AAMDC: variants seen among roughly 807,000 people sequenced by gnomAD.
AAMDC encodes adipogenesis associated Mth938 domain containing, also known as mth938 domain-containing protein.
Under a neutral mutation model 15.5 loss-of-function variants are expected in AAMDC, and 16 were observed. The ratio of observed to expected loss-of-function variants is 1.03; its 90% CI spans 0.70 to 1.57. The LOEUF (loss-of-function observed/expected upper bound fraction) is 1.57. Among genes scored for constraint, AAMDC ranks in the 40% most tolerant of loss-of-function variants. The probability of loss-of-function intolerance (pLI) is 0.00; values close to 1 mark genes in which losing one functional copy is unlikely to be tolerated. For synonymous variants in AAMDC, 51 were observed against 51.6 expected (o/e 0.99, Z 0.05); for missense variants, 141 against 144.9 (o/e 0.97, Z 0.14).
At chr11:77,838,263 G>A (rs954017185) in intron 1 of AAMDC, among the ~76,000 whole-genome samples, 17 of 152,098 alleles carry the variant, frequency 1.1e-4, no homozygotes, top group African/African-American at 4.1e-4. Flanking sequence ...GTTATAGTAC[G>A]GTTATTTAAT....
At chr11:77,849,291 G>A (rs2136179544) in intron 2 of AAMDC, among the ~76,000 whole-genome samples, 1 of 151,812 alleles carries the variant, frequency 6.6e-6, no homozygotes, top group South Asian at 2.1e-4. Context: ...GCGTGACCTT[G>A]GCTCACTGCA....
At chr11:77,879,218 C>A in intron 5 of AAMDC, 1 of 1,396,008 alleles carries the variant, frequency 7.2e-7, no homozygotes, top group Non-Finnish European at 9.8e-7. Context: ...AAAATGGAAG[C>A]AGTAGGGAGA....
rs549707779 is a variant in AAMDC at position 77,883,768 on chromosome 11, G to A, written c.328+6719G>A. The A allele has an allele frequency of 7.9e-5, 122 of 1,548,744 alleles. 1 individual carries two copies. Among genetic ancestry groups the A allele is most frequent in the South Asian group, 2.4e-4 (21 of 85,886 alleles). On this transcript the variant is annotated intron_variant, in intron 5 of 5. Coordinates refer to the AAMDC transcript ENST00000304716. ...TTTTTTCAAACTTTAAAAACCAAAC[G>A]CTTAAGGGTAGGTGTGATCTCCAGC...
intron 2 of AAMDC, among the ~76,000 whole-genome samples, chr11:77,868,380 T>C (rs1437284121): frequency 2.8e-5 from 3 of 105,382 alleles, no homozygotes; most frequent in Non-Finnish European, 5.6e-5. Context: ...TTTTTTGAGA[T>C]GAAGTCTTGG....
chr11:77,905,169 G>A (rs1403186006), downstream of AAMDC, among the ~76,000 whole-genome samples: 2 of 152,116 alleles, frequency 1.3e-5, no homozygotes, highest in African/African-American at 2.4e-5. Flanking sequence ...TACTTAAGAC[G>A]AAATGGGCTG....
At chr11:77,837,292 C>A (rs1031294614) in intron 1 of AAMDC, among the ~76,000 whole-genome samples, 2 of 152,024 alleles carry the variant, frequency 1.3e-5, no homozygotes, top group Admixed American at 6.6e-5. Context: ...CCCGCCACCA[C>A]ACCCAGCTAA....
chr11:77,873,393 A>T (rs1951510165), downstream of AAMDC, among the ~76,000 whole-genome samples: 2 of 152,250 alleles, frequency 1.3e-5, no homozygotes, highest in South Asian at 4.1e-4. Context: ...GATACTGTGT[A>T]AAGCCAACTA....
chr11:77,850,709 T>C (rs1462070423), intron 2 of AAMDC: 1 of 152,082 alleles, frequency 6.6e-6, no homozygotes, highest in Non-Finnish European at 1.5e-5. Context: ...ATCCTTTACC[T>C]AAATCCTCAA....
chr11:77,838,721 A>G (rs1949802015), intron 1 of AAMDC, among the ~76,000 whole-genome samples: 1 of 146,614 alleles, frequency 6.8e-6, no homozygotes, highest in Non-Finnish European at 1.5e-5. Flanking sequence ...GGTTCACGCC[A>G]TTCTCCTGCC....
At chr11:77,851,718 A>G (rs1349823607) in intron 2 of AAMDC, among the ~76,000 whole-genome samples, 2 of 151,504 alleles carry the variant, frequency 1.3e-5, no homozygotes, top group Non-Finnish European at 2.9e-5. Flanking sequence ...TGACATGCCT[A>G]CTCCCACTTC....
intron 5 of AAMDC, among the ~76,000 whole-genome samples, chr11:77,897,805 ATAT>A (rs929553141): frequency 6.6e-6 from 1 of 151,498 alleles, no homozygotes; most frequent in Non-Finnish European, 1.5e-5. Flanking sequence ...GCACCCAGCC[ATAT>A]TATTGTTATT....
At chr11:77,864,323 A>G (rs1422801452) in intron 2 of AAMDC, among the ~76,000 whole-genome samples, 1 of 151,744 alleles carries the variant, frequency 6.6e-6, no homozygotes, top group East Asian at 2.0e-4. Context: ...ACATGCCTGT[A>G]ATCCCAGCTA....
intron 1 of AAMDC, among the ~76,000 whole-genome samples, chr11:77,837,449 T>A (rs1287952947): frequency 6.7e-6 from 1 of 149,784 alleles, no homozygotes; most frequent in Non-Finnish European, 1.5e-5. Flanking sequence ...TGGTTTTTGT[T>A]TGTTTGTTTG....
intron 2 of AAMDC, among the ~76,000 whole-genome samples, chr11:77,858,493 T>G (rs2136234457): frequency 6.6e-6 from 1 of 152,146 alleles, no homozygotes; most frequent in South Asian, 2.1e-4. Flanking sequence ...TAACGAGCTC[T>G]CTTTGCTACC....
chr11:77,865,788 C>T (rs1951082480), intron 2 of AAMDC, among the ~76,000 whole-genome samples: 1 of 152,116 alleles, frequency 6.6e-6, no homozygotes, highest in African/African-American at 2.4e-5. Context: ...TTGATAATTC[C>T]ACTTGTATGA....
intron 2 of AAMDC, among the ~76,000 whole-genome samples, chr11:77,852,184 A>G (rs1309677217): frequency 7.4e-6 from 1 of 134,984 alleles, no homozygotes; most frequent in Non-Finnish European, 1.5e-5. Flanking sequence ...GGCTGCAGTG[A>G]GCTTCACTCC....
At chr11:77,899,222 G>A (rs1952668938) in intron 5 of AAMDC, among the ~76,000 whole-genome samples, 2 of 152,034 alleles carry the variant, frequency 1.3e-5, no homozygotes, top group African/African-American at 2.4e-5. Flanking sequence ...CCCAAGCAAT[G>A]TGGCACCACA....
chr11:77,881,475 C>T (rs1456420669), intron 5 of AAMDC, among the ~76,000 whole-genome samples: 3 of 152,200 alleles, frequency 2.0e-5, no homozygotes, highest in Admixed American at 1.3e-4. Context: ...CCGGAAGGGA[C>T]ATAGCACAGT....
intron 5 of AAMDC, chr11:77,891,545 C>T: frequency 6.3e-7 from 1 of 1,574,832 alleles, no homozygotes; most frequent in Non-Finnish European, 8.7e-7. Flanking sequence ...GTCTCCTTAT[C>T]TAATGAGTGG....
Sources: gnomAD v4.1 joint callset for allele counts (sites outside exome capture counted in the v4.1 genomes callset) on GRCh38, gnomAD v4.1.1 for gene constraint, MANE v1.5 for transcripts, NCBI Gene and HGNC (gene_info 2026-07-23, HGNC 2026-07-21) for gene names.